NCBP1: variants seen among roughly 807,000 people sequenced by gnomAD.
NCBP1 encodes the protein nuclear cap-binding protein subunit 1.
In NCBP1, 16 loss-of-function variants were observed where a neutral mutation model predicts 111.7. That is an observed-to-expected ratio of 0.14 (90% confidence interval 0.10 to 0.22). The LOEUF is 0.22. Among genes scored for constraint, NCBP1 ranks in the 10% least tolerant of loss-of-function variants. The pLI is 1.00. For synonymous variants in NCBP1, 304 were observed against 314.3 expected (o/e 0.97, Z 0.35); for missense variants, 607 against 957.5 (o/e 0.63, Z 4.83).
chr9:97,672,223 T>A lies in NCBP1; in HGVS notation c.*1024T>A, dbSNP rs890728289. 1 of 152,210 alleles carries A rather than the reference T, an allele frequency of 6.6e-6. No individual in the cohort carries two copies. The highest frequency in any genetic ancestry group is 6.5e-5 in the Admixed American group (1 of 15,286). 9.4% of individuals were successfully genotyped at this position (152,210 alleles called of 1,614,324 possible). On this transcript the variant is annotated 3_prime_UTR_variant, in exon 23 of 23. Transcript: ENST00000375147. ...TTCCAAATTTCGAGGATTTTTAGAC[T>A]TTTTTCATTAAACCTTAGAAAAAAA...
At chr9:97,664,900 G>A (rs1221165237) in intron 19 of NCBP1, among the ~76,000 whole-genome samples, 1 of 152,136 alleles carries the variant, frequency 6.6e-6, no homozygotes, top group Non-Finnish European at 1.5e-5. Flanking sequence ...AGACACCTGA[G>A]GGATGGGGGA....
intron 21 of NCBP1, among the ~76,000 whole-genome samples, chr9:97,669,381 A>G (rs573709183): frequency 6.6e-6 from 1 of 152,346 alleles, no homozygotes; most frequent in South Asian, 2.1e-4. Context: ...TAAGACATTA[A>G]AGGTCTTTAT....
At chr9:97,652,250 C>T (rs927534233) in intron 10 of NCBP1, among the ~76,000 whole-genome samples, 1 of 152,178 alleles carries the variant, frequency 6.6e-6, no homozygotes, top group Non-Finnish European at 1.5e-5. Context: ...GATCTGCCTG[C>T]CTTGGGCTCC....
intron 4 of NCBP1, among the ~76,000 whole-genome samples, chr9:97,644,622 G>C (rs936193110): frequency 3.9e-5 from 6 of 152,174 alleles, no homozygotes; most frequent in Non-Finnish European, 7.4e-5. Context: ...TATGTGTTCT[G>C]TAATTTCCAT....
At position 97,651,306 on chromosome 9, in the gene NCBP1, A is replaced by G. The variant is rs777660193; in HGVS notation, c.996-4A>G. The G allele has an allele frequency of 2.5e-6, 4 of 1,601,984 alleles. No individual in the cohort carries two copies. The highest frequency in any genetic ancestry group is 2.3e-5 in the South Asian group (2 of 88,236). On this transcript the variant is annotated splice_region_variant and splice_polypyrimidine_tract_variant and intron_variant, in intron 9 of 22. Transcript: ENST00000375147. ...TTATTAAACTTAAATTACACTTTTT[A>G]TAGTGCTGCACAGTTAGTGAGCTAT...
chr9:97,637,941 A>G (rs1299428203), intron 1 of NCBP1, among the ~76,000 whole-genome samples: 1 of 152,214 alleles, frequency 6.6e-6, no homozygotes, highest in Non-Finnish European at 1.5e-5. Flanking sequence ...TCTCTATACT[A>G]GCCAAGTCTG....
In NCBP1 at chr9:97,645,148, A is replaced by T; in HGVS notation, c.413A>T (p.His138Leu). The T allele has an allele frequency of 6.2e-7, 1 of 1,613,474 alleles. No individual in the cohort carries two copies. The highest frequency in any genetic ancestry group is 8.5e-7 in the Non-Finnish European group (1 of 1,179,526). ...TTTTTATCTGATCTTGTGAATTGTC[A>T]TGTGATTGCCGCCCCATCAATGGTT... ...VRFLSDLVNC[H>L]VIAAPSMVAM... The change falls in exon 5 of 23, where the codon CAT becomes CTT. Residue 138 changes from histidine (H) to leucine (L), a missense_variant. This residue lies in a region of NCBP1 where 185 missense variants were observed against 272.0 expected (regional missense o/e 0.68). Transcript: ENST00000375147.
intron 1 of NCBP1, among the ~76,000 whole-genome samples, chr9:97,638,889 G>T (rs1827125726): frequency 6.6e-6 from 1 of 152,176 alleles, no homozygotes; most frequent in Non-Finnish European, 1.5e-5. Flanking sequence ...GAGAACTACT[G>T]CTGTAGAAGA....
chr9:97,639,131 TA>T (rs1587994818), intron 1 of NCBP1, among the ~76,000 whole-genome samples: 3 of 152,186 alleles, frequency 2.0e-5, no homozygotes, highest in Admixed American at 6.5e-5. Flanking sequence ...TCTCCAGGAA[TA>T]AATACATCTC....
At chr9:97,660,654 C>G (rs1041938021) in intron 15 of NCBP1, among the ~76,000 whole-genome samples, 31 of 152,162 alleles carry the variant, frequency 2.0e-4, no homozygotes, top group Admixed American at 2.0e-3. Context: ...TTTCTCCTTA[C>G]CATTCATCTT....
chr9:97,669,090 T>A, intron 21 of NCBP1, 116 bp downstream of exon 21: 3 of 1,210,892 alleles, frequency 2.5e-6, no homozygotes, highest in Non-Finnish European at 3.3e-6. Context: ...ATAGAAGAGA[T>A]TAAAAATACA....
intron 3 of NCBP1, among the ~76,000 whole-genome samples, chr9:97,642,956 A>G (rs78642218): frequency 0.025 from 3,784 of 152,246 alleles, 167 homozygotes; most frequent in African/African-American, 0.086. Flanking sequence ...TTATTTCAGT[A>G]TGATAACTTT....
intron 19 of NCBP1, 66 bp downstream of exon 19, chr9:97,664,509 A>G (rs1587724528): frequency 3.7e-6 from 4 of 1,089,072 alleles, no homozygotes; most frequent in East Asian, 4.9e-5. Context: ...TCTCTTATAC[A>G]TAAGCTTCAA....
rs564435323 is a variant in NCBP1, at chr9:97,668,905, A to G, written c.2076A>G (p.Ile692Met). The G allele has an allele frequency of 2.5e-6, 4 of 1,613,686 alleles. No homozygotes were observed. In the African/African-American group the frequency reaches 5.3e-5, roughly 22 times the overall value. ...AAGACGGGGTTCTTGAGGAACAAAT[A>G]GAACGACTTCAGGAAAAAGTGGAAT... ...DRKDGVLEEQ[I>M]ERLQEKVESA... The change falls in exon 21 of 23, where the codon ATA (isoleucine) becomes ATG (methionine). Residue 692 changes from isoleucine (I) to methionine (M), a missense_variant. This residue lies in a region of NCBP1 where 282 missense variants were observed against 376.5 expected (regional missense o/e 0.75). Transcript: ENST00000375147.
chr9:97,654,994 G>A (rs778028236), intron 12 of NCBP1, 50 bp downstream of exon 12: 3 of 1,362,520 alleles, frequency 2.2e-6, no homozygotes, highest in Non-Finnish European at 3.0e-6. Context: ...TTTACTTCCT[G>A]TACTTCATAA....
chr9:97,645,486 A>G, intron 5 of NCBP1, 125 bp from the exon 6 acceptor site: 2 of 1,036,794 alleles, frequency 1.9e-6, no homozygotes, highest in East Asian at 2.6e-5. Context: ...AATGCTCTGT[A>G]TAAACCAGAT....
rs1388996835 is a variant in NCBP1, at chr9:97,673,330, C to CA, written c.*2137dup. 2.6e-5 allele frequency: 4 copies of CA among 152,178 alleles called. No homozygotes were observed. The highest frequency in any genetic ancestry group is 4.1e-4 in the South Asian group (2 of 4,824). The allele number at this position is 152,178 out of a possible 1,614,324, so 9.4% of individuals were successfully genotyped here. A position where few individuals can be genotyped will look rare whatever the true frequency, so the allele number is the denominator to read the frequency against. Reference sequence around the variant, plus strand: ...CTGTAGTTTAAAATGACTCCTGTCTCAAAAAACCAAAGGATAACCTTTAAG... The same window carrying CA: ...CTGTAGTTTAAAATGACTCCTGTCTCAAAAAAACCAAAGGATAACCTTTAAG... On this transcript the variant is annotated 3_prime_UTR_variant, in exon 23 of 23. Transcript: ENST00000375147.
intron 3 of NCBP1, 131 bp from the exon 4 acceptor site, chr9:97,643,073 G>T: frequency 3.5e-6 from 3 of 852,172 alleles, no homozygotes; most frequent in Non-Finnish European, 5.1e-6. Context: ...TTTTTCTGAA[G>T]TATTTTTAAA....
At chr9:97,660,750 G>A (rs559122384) in intron 15 of NCBP1, among the ~76,000 whole-genome samples, 196 bp from the exon 16 acceptor site, 20 of 152,178 alleles carry the variant, frequency 1.3e-4, no homozygotes, top group Admixed American at 1.1e-3. Flanking sequence ...CCCTTTTTAG[G>A]TGAAAAACCA....
Sources: gnomAD v4.1 joint callset for allele counts (sites outside exome capture counted in the v4.1 genomes callset) on GRCh38, gnomAD v4.1.1 for gene constraint, gnomAD v4.1.1 regional missense constraint, MANE v1.5 for transcripts, NCBI Gene and HGNC (gene_info 2026-07-23, HGNC 2026-07-21) for gene names.